The following RECQL variants were observed in gnomAD, a reference collection of about 807,000 sequenced individuals.
RECQL encodes ATP-dependent DNA helicase Q1.
RECQL carries 73 observed loss-of-function variants against 75.8 expected under a neutral mutation model. The ratio of observed to expected loss-of-function variants is 0.96; its 90% confidence interval spans 0.80 to 1.17. The LOEUF is 1.17. Among genes scored for constraint, RECQL ranks in the 50% most tolerant of loss-of-function variants. RECQL has a pLI of 0.00. For synonymous variants in RECQL, 248 were observed against 254.4 expected, an observed-to-expected ratio of 0.97 and a Z score of 0.24; for missense variants, 699 against 772.1, an observed-to-expected ratio of 0.91 and a Z score of 1.12.
At position 21,470,075 on chromosome 12, in the gene RECQL, A is replaced by G; in HGVS notation, c.*119T>C. On this transcript the variant is annotated 3_prime_UTR_variant, in exon 15 of 15. Transcript: ENST00000444129. ...ATCTTCAGAGATAAGCTCTGAAAATATAGATCCATACATATAAAATATCTA... is the reference window on the plus strand; with the variant it reads ...ATCTTCAGAGATAAGCTCTGAAAATGTAGATCCATACATATAAAATATCTA... The G allele has an allele frequency of 1.4e-6, 1 of 698,388 alleles. No individual in the cohort carries two copies. Among genetic ancestry groups the G allele is most frequent in the Non-Finnish European group, 2.3e-6 (1 of 439,472 alleles). 43.3% of individuals were successfully genotyped at this position (698,388 alleles called of 1,614,324 possible).
intron 5 of RECQL, among the ~76,000 whole-genome samples, chr12:21,485,558 C>A (rs1465944358): frequency 7.9e-5 from 12 of 151,044 alleles, no homozygotes; most frequent in Admixed American, 7.2e-4. Flanking sequence ...TTAAAAAAAA[C>A]ATAAAAATGA....
chr12:21,471,987 T>C (rs1942979088), intron 12 of RECQL, among the ~76,000 whole-genome samples: 1 of 152,094 alleles, frequency 6.6e-6, no homozygotes, highest in Non-Finnish European at 1.5e-5. Flanking sequence ...CCCTGTCTGT[T>C]CTAGTATAGG....
intron 6 of RECQL, among the ~76,000 whole-genome samples, chr12:21,481,788 A>G (rs890344559): frequency 6.6e-6 from 1 of 152,076 alleles, no homozygotes; most frequent in Admixed American, 6.5e-5. Flanking sequence ...AGGAAGAGCG[A>G]AGGAGGTGAG....
At chr12:21,470,679 T>C in intron 14 of RECQL, 1 of 306,350 alleles carries the variant, frequency 3.3e-6, no homozygotes, top group Non-Finnish European at 5.9e-6. Flanking sequence ...CAACTATTAG[T>C]AATCACAACC....
At chr12:21,487,847 G>A (rs1943334975) in intron 4 of RECQL, among the ~76,000 whole-genome samples, 1 of 151,806 alleles carries the variant, frequency 6.6e-6, no homozygotes, top group Admixed American at 6.6e-5. Flanking sequence ...TGCCATCTAT[G>A]AGAAACACCC....
chr12:21,499,357 T>C (rs1207281126), intron 2 of RECQL, among the ~76,000 whole-genome samples, 198 bp downstream of exon 2: 1 of 152,180 alleles, frequency 6.6e-6, no homozygotes, highest in Non-Finnish European at 1.5e-5. Flanking sequence ...TGCACAACAG[T>C]CTAAATGCAT....
At position 21,474,850 on chromosome 12, in the gene RECQL, T is replaced by C; in HGVS notation, c.1346A>G (p.Asn449Ser). 6.2e-7 allele frequency: 1 copy of C among 1,612,660 alleles called. No homozygotes were observed. Among genetic ancestry groups the C allele is most frequent in the East Asian group, 2.2e-5 (1 of 44,846 alleles). Residue 449 changes from asparagine (N) to serine (S), a missense_variant, in exon 11 of 15, where the codon AAC (asparagine) becomes AGC (serine). By Grantham distance (46) the Asn-to-Ser change is conservative. Transcript: ENST00000444129. The part of the protein sequence containing the change: ...KLYEMVSYCQ[N>S]ISKCRRVLMA... ...AAGGTATGTGGCTTACTTGCTTATGTTTTGACAGTATGATACCATCTCATA... is the reference window on the plus strand; with the variant it reads ...AAGGTATGTGGCTTACTTGCTTATGCTTTGACAGTATGATACCATCTCATA...
chr12:21,487,548 C>T (rs1170620975), intron 4 of RECQL, among the ~76,000 whole-genome samples: 3 of 152,162 alleles, frequency 2.0e-5, no homozygotes, highest in African/African-American at 7.2e-5. Context: ...AAAGAGCAGA[C>T]ATGTTTAAAA....
intron 10 of RECQL, 140 bp downstream of exon 10, chr12:21,475,324 CAAGT>C (rs1474125898): frequency 1.2e-5 from 7 of 581,230 alleles, no homozygotes; most frequent in African/African-American, 9.4e-5. Context: ...TCTCCATATG[CAAGT>C]AAGTGTCAAA....
intron 1 of RECQL, 23 bp from the exon 2 acceptor site, chr12:21,499,638 G>A (rs1254450457): frequency 1.5e-6 from 2 of 1,307,322 alleles, no homozygotes; most frequent in South Asian, 1.3e-5. Context: ...GCACAACAGT[G>A]ACAACAAGTT....
At position 21,501,506 on chromosome 12, in the gene RECQL, C is replaced by G. The variant is rs1392773984; in HGVS notation, c.-382G>C. The G allele has an allele frequency of 5.4e-6, 1 of 185,828 alleles. No individual in the cohort carries two copies. Among genetic ancestry groups the G allele is most frequent in the Non-Finnish European group, 1.1e-5 (1 of 87,740 alleles). The allele number at this position is 185,828 out of a possible 1,614,324, so 11.5% of individuals were successfully genotyped here. A position where few individuals can be genotyped will look rare whatever the true frequency, so the allele number is the denominator to read the frequency against. ...TCTCCGGTGTTTGACTGTCCGGTGT[C>G]CGACTGTCCTGTGTCCGACTCTCCG... On this transcript the variant is annotated 5_prime_UTR_variant, in exon 1 of 15. Transcript: ENST00000444129.
chr12:21,493,567 A>G (rs1943451034), intron 2 of RECQL, among the ~76,000 whole-genome samples: 1 of 152,240 alleles, frequency 6.6e-6, no homozygotes, highest in Admixed American at 6.5e-5. Context: ...ATACAAACTG[A>G]ATTCCCAACC....
In RECQL at chr12:21,474,839, ACTTG is replaced by A. The variant is rs752881895; in HGVS notation, c.1353_1355+1del. The A allele has an allele frequency of 8.1e-6, 13 of 1,611,864 alleles. No individual in the cohort carries two copies. In the African/African-American group the frequency reaches 1.2e-4, roughly 15 times the overall value. ...AAAGTTATAAAAAGGTATGTGGCTT[ACTTG>A]CTTATGTTTTGACAGTATGATACCA... On this transcript the variant is annotated splice_donor_variant and coding_sequence_variant, in exon 11 of 15. Coordinates refer to ENST00000444129, the MANE Select transcript of RECQL (RefSeq NM_002907.4). LOFTEE classifies it high-confidence loss of function.
At chr12:21,493,540 C>A (rs1467473077) in intron 2 of RECQL, among the ~76,000 whole-genome samples, 2 of 152,198 alleles carry the variant, frequency 1.3e-5, no homozygotes, top group Admixed American at 6.5e-5. Flanking sequence ...CTAAATCCTG[C>A]AGATGGCTGA....
Position 21,475,483 on chromosome 12 carries a change from C to A in RECQL, c.1201G>T (p.Glu401Ter). The A allele has an allele frequency of 6.2e-7, 1 of 1,609,984 alleles. No homozygotes were observed. Among genetic ancestry groups the A allele is most frequent in the Non-Finnish European group, 8.5e-7 (1 of 1,177,104 alleles). ...MSKSMENYYQ[E>*]SGRAGRDDMK... ...TCCTACATACCTGCACGTCCACTCT[C>A]TTGGTAATAATTTTCCATGGATTTA... Residue 401 changes from glutamate to a stop codon, truncating the protein, a stop_gained, in exon 10 of 15, where the codon GAG (glutamate) becomes TAG (stop). Coordinates refer to ENST00000444129, the MANE Select transcript of RECQL (RefSeq NM_002907.4). LOFTEE classifies it high-confidence loss of function.
At chr12:21,473,515 A>C (rs1943024022) in intron 12 of RECQL, 36 bp downstream of exon 12, 1 of 1,481,656 alleles carries the variant, frequency 6.7e-7, no homozygotes, top group Non-Finnish European at 9.4e-7. Flanking sequence ...TTATGACTGT[A>C]TTAGCCTATA....
At chr12:21,496,388 G>A (rs73071373) in intron 2 of RECQL, among the ~76,000 whole-genome samples, 3,982 of 152,320 alleles carry the variant, frequency 0.026, 63 homozygotes, top group Middle Eastern at 0.037. Context: ...TAGGGGAATA[G>A]TATAGCACAG....
Position 21,474,988 on chromosome 12 carries a change from T to C in RECQL, c.1217-9A>G. 1 of 1,607,346 alleles carries C rather than the reference T, an allele frequency of 6.2e-7. No individual in the cohort carries two copies. Among genetic ancestry groups the C allele is most frequent in the Non-Finnish European group, 8.5e-7 (1 of 1,176,354 alleles). ...TTTCATGTCATCTCGACCTGTGGTG[T>C]GAGAAACCTTGAGATTGCAGAATTA... On this transcript the variant is annotated splice_polypyrimidine_tract_variant and intron_variant, in intron 10 of 14. Coordinates refer to ENST00000444129, the MANE Select transcript of RECQL (RefSeq NM_002907.4).
At chr12:21,493,119 A>G (rs1943443422) in intron 2 of RECQL, among the ~76,000 whole-genome samples, 1 of 152,164 alleles carries the variant, frequency 6.6e-6, no homozygotes, top group South Asian at 2.1e-4. Flanking sequence ...CAGAATTTTG[A>G]TCCGGAAGAA....
Sources: gnomAD v4.1 joint callset for allele counts (sites outside exome capture counted in the v4.1 genomes callset) on GRCh38, gnomAD v4.1.1 for gene constraint, MANE v1.5 for transcripts, NCBI Gene and HGNC (gene_info 2026-07-23, HGNC 2026-07-21) for gene names.